NHERF4: variants seen among roughly 807,000 people sequenced by gnomAD.
NHERF4 encodes NHERF family PDZ scaffold protein 4.
the NHERF4 span, chr11:119,185,492 G>C: frequency 6.2e-7 from 1 of 1,614,122 alleles, no homozygotes; most frequent in Non-Finnish European, 8.5e-7. Context: ...TGCTGATCCA[G>C]CTATGGAGAA....
chr11:119,186,965 C>G, the NHERF4 span, among the ~76,000 whole-genome samples: 1 of 151,900 alleles, frequency 6.6e-6, no homozygotes, highest in Non-Finnish European at 1.5e-5. The surrounding 1 kb of genome is among the most constrained non-coding windows in gnomAD (Gnocchi z 4.4). Context: ...ATGGCAAGAC[C>G]CTGTCTCTAC....
chr11:119,186,191 A>C, the NHERF4 span: 1 of 1,613,962 alleles, frequency 6.2e-7, no homozygotes, highest in Non-Finnish European at 8.5e-7. The surrounding 1 kb of genome is among the most constrained non-coding windows in gnomAD (Gnocchi z 4.4). Context: ...CCTGGCAACC[A>C]TTCCCTATCC....
the NHERF4 span, chr11:119,186,612 C>T: frequency 1.0e-4 from 169 of 1,613,872 alleles, no homozygotes; most frequent in Non-Finnish European, 1.4e-4. The surrounding 1 kb of genome is among the most constrained non-coding windows in gnomAD (Gnocchi z 4.4). Flanking sequence ...GCACCTCTGC[C>T]CAGCGCCAGG....
the NHERF4 span, chr11:119,188,932 C>T: frequency 8.1e-6 from 13 of 1,610,920 alleles, no homozygotes; most frequent in African/African-American, 1.6e-4. Context: ...TCTTCCTCTG[C>T]TTCCCTCCCA....
the NHERF4 span, chr11:119,187,857 C>T: frequency 2.2e-5 from 33 of 1,469,636 alleles, no homozygotes; most frequent in Admixed American, 5.3e-5. Flanking sequence ...CCACTTAGTG[C>T]CTGGGAGGAG....
At chr11:119,186,662 ATGT>A in the NHERF4 span, 160 of 1,609,672 alleles carry the variant, frequency 9.9e-5, no homozygotes, top group Non-Finnish European at 1.3e-4. The surrounding 1 kb of genome is among the most constrained non-coding windows in gnomAD (Gnocchi z 4.4). Flanking sequence ...GTGAACAATG[ATGT>A]TGTGGAACAC....
At chr11:119,188,894 T>G in the NHERF4 span, 1 of 1,611,384 alleles carries the variant, frequency 6.2e-7, no homozygotes, top group East Asian at 2.2e-5. Flanking sequence ...GGATCTTGAA[T>G]CCCTTCGATC....
At chr11:119,189,367 C>T in the NHERF4 span, 1 of 1,535,046 alleles carries the variant, frequency 6.5e-7, no homozygotes, top group Non-Finnish European at 9.0e-7. This position sits in a 1 kb window ranked among gnomAD's most constrained non-coding sequence, Gnocchi z 5.8. Flanking sequence ...GTGAAATAAA[C>T]CCCATTTCTG....
the NHERF4 span, chr11:119,188,876 T>C: frequency 1.9e-6 from 3 of 1,613,324 alleles, no homozygotes; most frequent in Non-Finnish European, 1.7e-6. Context: ...AGGTGACTGA[T>C]GCCCCATGGA....
chr11:119,186,703 T>C, the NHERF4 span: 1 of 1,586,762 alleles, frequency 6.3e-7, no homozygotes, highest in Non-Finnish European at 8.6e-7. The surrounding 1 kb of genome is among the most constrained non-coding windows in gnomAD (Gnocchi z 4.4). Flanking sequence ...AAGGCTGTGG[T>C]CCAGGAGAGC....
the NHERF4 span, chr11:119,185,669 T>C: frequency 1.3e-6 from 1 of 780,216 alleles, no homozygotes; most frequent in Non-Finnish European, 2.2e-6. Flanking sequence ...GATATGTCTG[T>C]CTTCCTGGTC....
chr11:119,185,634 C>CAAGT, the NHERF4 span: 1 of 940,760 alleles, frequency 1.1e-6, no homozygotes, highest in African/African-American at 1.6e-5. Flanking sequence ...GGCAGGTAAA[C>CAAGT]AAGTCAGGAG....
the NHERF4 span, chr11:119,189,933 T>A: frequency 3.0e-6 from 1 of 332,274 alleles, no homozygotes; most frequent in Non-Finnish European, 5.6e-6. This position sits in a 1 kb window ranked among gnomAD's most constrained non-coding sequence, Gnocchi z 5.8. Context: ...GTTATAGAAA[T>A]GGCCATTCGC....
At chr11:119,187,309 C>T in the NHERF4 span, 3 of 1,611,924 alleles carry the variant, frequency 1.9e-6, no homozygotes, top group Non-Finnish European at 2.5e-6. Flanking sequence ...TCGGGTGTTG[C>T]TGACAGTATT....
At chr11:119,189,665 G>GAA in the NHERF4 span, 1 of 715,672 alleles carries the variant, frequency 1.4e-6, no homozygotes, top group South Asian at 1.6e-5. This position sits in a 1 kb window ranked among gnomAD's most constrained non-coding sequence, Gnocchi z 5.8. Context: ...TGCCAGCAGA[G>GAA]GGTGTGGTTG....
chr11:119,186,006 C>G, the NHERF4 span: 5 of 1,613,820 alleles, frequency 3.1e-6, no homozygotes, highest in Non-Finnish European at 4.2e-6. The surrounding 1 kb of genome is among the most constrained non-coding windows in gnomAD (Gnocchi z 4.4). Flanking sequence ...GGCAGCGAAG[C>G]GCTTCACTGC....
the NHERF4 span, chr11:119,188,411 G>C: frequency 6.2e-7 from 1 of 1,614,010 alleles, no homozygotes; most frequent in South Asian, 1.1e-5. Flanking sequence ...TGGGATGCAG[G>C]CTGGGGACCG....
the NHERF4 span, chr11:119,186,232 G>A: frequency 3.1e-6 from 5 of 1,613,968 alleles, no homozygotes; most frequent in Admixed American, 5.0e-5. This position sits in a 1 kb window ranked among gnomAD's most constrained non-coding sequence, Gnocchi z 4.4. Context: ...CACGGCCTCC[G>A]ATCTCCTTGG....
At chr11:119,189,386 A>C in the NHERF4 span, 1 of 1,567,120 alleles carries the variant, frequency 6.4e-7, no homozygotes, top group Admixed American at 1.7e-5. This position sits in a 1 kb window ranked among gnomAD's most constrained non-coding sequence, Gnocchi z 5.8. Flanking sequence ...TGGGCATTCC[A>C]GTGCAGGGCG....
Sources: gnomAD v4.1 joint callset for allele counts (sites outside exome capture counted in the v4.1 genomes callset) on GRCh38, gnomAD v4.1.1 for gene constraint, Gnocchi (gnomAD v3.1) non-coding constraint, MANE v1.5 for transcripts, NCBI Gene and HGNC (gene_info 2026-07-23, HGNC 2026-07-21) for gene names.